AUTS2: variants seen among roughly 807,000 people sequenced by gnomAD.
AUTS2 encodes the protein activator of transcription and developmental regulator AUTS2.
A neutral mutation model predicts 112.4 loss-of-function variants in AUTS2; 17 were observed. The ratio of observed to expected loss-of-function variants is 0.15; its 90% CI spans 0.10 to 0.23. AUTS2 has a LOEUF of 0.23. Ranked by LOEUF, AUTS2 falls within the 10% of genes least tolerant of loss-of-function variation. The probability of loss-of-function intolerance (pLI) is 1.00; values close to 1 mark genes in which losing one functional copy is unlikely to be tolerated. For missense variants in AUTS2, 1,510 were observed against 1,701.6 expected (o/e 0.89, Z 1.98); for synonymous variants, 751 against 702.7 (o/e 1.07, Z -1.09).
chr7:70,403,945 C>T (rs934857683), intron 4 of AUTS2, among the ~76,000 whole-genome samples: 2 of 152,150 alleles, frequency 1.3e-5, no homozygotes, highest in Admixed American at 1.3e-4. Flanking sequence ...AACATTCATA[C>T]CCAGGTTTGA....
At chr7:70,408,839 C>T (rs1794653960) in intron 4 of AUTS2, among the ~76,000 whole-genome samples, 1 of 152,200 alleles carries the variant, frequency 6.6e-6, no homozygotes, top group Non-Finnish European at 1.5e-5. Context: ...ATGCTTTGTG[C>T]TCTGCAGCCT....
chr7:70,375,999 A>G (rs926826614), intron 4 of AUTS2, among the ~76,000 whole-genome samples: 2 of 151,222 alleles, frequency 1.3e-5, no homozygotes, highest in Admixed American at 6.6e-5. Flanking sequence ...AGAACGGAGG[A>G]GTAGTTTGTT....
chr7:70,187,163 A>C (rs940214699), intron 4 of AUTS2, among the ~76,000 whole-genome samples: 2 of 152,222 alleles, frequency 1.3e-5, no homozygotes, highest in African/African-American at 2.4e-5. Context: ...AATTAAGTGA[A>C]CTTGAGAATG....
At chr7:70,739,908 A>T (rs1788005866) in intron 6 of AUTS2, among the ~76,000 whole-genome samples, 1 of 151,596 alleles carries the variant, frequency 6.6e-6, no homozygotes. Flanking sequence ...ACTTCCTCTT[A>T]CAAAAGACAG....
chr7:70,140,732 A>C (rs1806819349), intron 4 of AUTS2, among the ~76,000 whole-genome samples: 1 of 152,182 alleles, frequency 6.6e-6, no homozygotes, highest in African/African-American at 2.4e-5. Context: ...TGGCCATTAT[A>C]TATTGACAAA....
intron 1 of AUTS2, among the ~76,000 whole-genome samples, chr7:69,623,006 A>C (rs948571097): frequency 1.1e-4 from 17 of 152,062 alleles, no homozygotes; most frequent in African/African-American, 3.9e-4. Context: ...GCTGTGTTAC[A>C]TTTTTTGTCA....
intron 4 of AUTS2, among the ~76,000 whole-genome samples, chr7:70,284,340 CTTTT>C (rs1435664070): frequency 1.3e-5 from 2 of 152,140 alleles, no homozygotes; most frequent in Non-Finnish European, 2.9e-5. Context: ...CATGTACTTT[CTTTT>C]TGTCACACTT....
At chr7:70,302,557 A>G (rs1789267270) in intron 4 of AUTS2, among the ~76,000 whole-genome samples, 1 of 149,752 alleles carries the variant, frequency 6.7e-6, no homozygotes, top group African/African-American at 2.5e-5. Context: ...TCTCCTCTCT[A>G]TCCCCCAAAA....
chr7:70,763,171 C>A lies in AUTS2; in HGVS notation c.1044C>A (p.Ala348=). ...AGCCACCACAGGGCCCTCCTGAGGC[C>A]CAGCTCCAGCCTGCCCCGCAGCCTC... ...STQPPQGPPE[A]QLQPAPQPQV... The change falls in exon 7 of 19, where the codon GCC becomes GCA. Residue 348 remains alanine, a synonymous_variant. Transcript: ENST00000342771. 1 of 1,613,964 alleles carries A rather than the reference C, an allele frequency of 6.2e-7. No individual in the cohort carries two copies.
At chr7:70,677,732 T>C (rs1807990794) in intron 5 of AUTS2, among the ~76,000 whole-genome samples, 1 of 152,094 alleles carries the variant, frequency 6.6e-6, no homozygotes, top group Admixed American at 6.5e-5. Context: ...CTCGGGTGAC[T>C]TTTCTTAATG....
At chr7:69,612,172 A>G (rs1431890935) in intron 1 of AUTS2, among the ~76,000 whole-genome samples, 3 of 152,120 alleles carry the variant, frequency 2.0e-5, no homozygotes, top group Non-Finnish European at 2.9e-5. Context: ...CTGAGAAATG[A>G]TTAGGTCTGA....
chr7:70,162,377 C>T (rs1178572744), intron 4 of AUTS2, among the ~76,000 whole-genome samples: 3 of 121,122 alleles, frequency 2.5e-5, no homozygotes, highest in East Asian at 2.8e-4. Context: ...ACCCGGGAGG[C>T]GGAGCTTGCA....
At chr7:69,862,731 G>T (rs1023236185) in intron 1 of AUTS2, among the ~76,000 whole-genome samples, 6 of 152,098 alleles carry the variant, frequency 3.9e-5, no homozygotes, top group African/African-American at 1.4e-4. Flanking sequence ...GGCCATTGGA[G>T]GCGAGCTACA....
chr7:70,627,103 A>G (rs902772776), intron 5 of AUTS2, among the ~76,000 whole-genome samples: 1 of 152,240 alleles, frequency 6.6e-6, no homozygotes, highest in Non-Finnish European at 1.5e-5. Flanking sequence ...TGCTTTCCAT[A>G]GGCACTGAAC....
intron 5 of AUTS2, among the ~76,000 whole-genome samples, chr7:70,480,325 A>G (rs1218132716): frequency 6.6e-6 from 1 of 152,248 alleles, no homozygotes; most frequent in African/African-American, 2.4e-5. Context: ...TCTCATCTTA[A>G]GGGACATATA....
At chr7:69,776,189 G>A (rs1788888494) in intron 1 of AUTS2, among the ~76,000 whole-genome samples, 1 of 152,134 alleles carries the variant, frequency 6.6e-6, no homozygotes, top group Non-Finnish European at 1.5e-5. Flanking sequence ...TATGTGTGGG[G>A]GAAAAATACT....
intron 2 of AUTS2, among the ~76,000 whole-genome samples, chr7:69,960,097 T>A (rs1429579076): frequency 6.6e-6 from 1 of 152,202 alleles, no homozygotes; most frequent in East Asian, 1.9e-4. Flanking sequence ...TTTGTCAGAC[T>A]GCATTTTCTC....
chr7:70,376,022 A>G (rs1362035131), intron 4 of AUTS2, among the ~76,000 whole-genome samples: 1 of 150,306 alleles, frequency 6.7e-6, no homozygotes, highest in Non-Finnish European at 1.5e-5. Flanking sequence ...TTGTCGTTAA[A>G]AAAAAAAAAA....
At chr7:70,073,122 T>C (rs1802866056) in intron 2 of AUTS2, among the ~76,000 whole-genome samples, 1 of 143,366 alleles carries the variant, frequency 7.0e-6, no homozygotes, top group African/African-American at 2.6e-5. Context: ...AGTCTTGTAC[T>C]GGTCACCCCT....
Sources: allele counts gnomAD v4.1 joint callset (sites outside exome capture counted in the v4.1 genomes callset), GRCh38; gene constraint gnomAD v4.1.1; transcripts MANE v1.5; gene names NCBI Gene and HGNC (gene_info 2026-07-23, HGNC 2026-07-21).